The following DPYD variants were observed in gnomAD, a reference collection of about 807,000 sequenced individuals.
The protein encoded by DPYD is dihydropyrimidine dehydrogenase [NADP(+)].
DPYD carries 109 observed loss-of-function variants against 116.2 expected under a neutral mutation model. The ratio of observed to expected loss-of-function variants is 0.94; its 90% CI spans 0.80 to 1.10. The LOEUF (loss-of-function observed/expected upper bound fraction) is 1.10. DPYD is among the 50% of genes least tolerant of loss of function. The pLI is 0.00. For synonymous variants in DPYD, 440 were observed against 432.0 expected (o/e 1.02, Z -0.23); for missense variants, 1,302 against 1,254.5 (o/e 1.04, Z -0.57).
intron 16 of DPYD, among the ~76,000 whole-genome samples, chr1:97,346,339 C>T (rs1005716010): frequency 1.3e-5 from 2 of 151,732 alleles, no homozygotes; most frequent in East Asian, 1.9e-4. Flanking sequence ...AGTGGTTGCT[C>T]GATCCTTTTT....
intron 12 of DPYD, among the ~76,000 whole-genome samples, chr1:97,525,759 AG>A (rs1557772671): frequency 3.3e-5 from 1 of 30,390 alleles, no homozygotes; most frequent in African/African-American, 1.4e-4. Flanking sequence ...CTGGGTAATT[AG>A]AGAGAGAGAG....
chr1:97,613,576 A>G (rs1656080984), intron 8 of DPYD, among the ~76,000 whole-genome samples: 1 of 152,076 alleles, frequency 6.6e-6, no homozygotes, highest in Non-Finnish European at 1.5e-5. Context: ...TTTTCAACGC[A>G]TGATCTGCCA....
At chr1:97,757,982 G>C (rs751290998) in intron 3 of DPYD, among the ~76,000 whole-genome samples, 11 of 152,088 alleles carry the variant, frequency 7.2e-5, no homozygotes, top group Non-Finnish European at 1.5e-4. Context: ...AATACGCACT[G>C]CCTGAGAAAT....
intron 18 of DPYD, among the ~76,000 whole-genome samples, chr1:97,293,801 T>C (rs1666358285): frequency 6.6e-6 from 1 of 151,884 alleles, no homozygotes. Flanking sequence ...AATTAGCAAT[T>C]AGCCAGCATG....
chr1:97,828,207 T>C lies in DPYD; in HGVS notation c.151-11A>G, dbSNP rs1334246875. 3.1e-6 allele frequency: 5 copies of C among 1,611,716 alleles called. No homozygotes were observed. Among genetic ancestry groups the C allele is most frequent in the Non-Finnish European group, 4.2e-6 (5 of 1,179,010 alleles). On this transcript the variant is annotated splice_polypyrimidine_tract_variant and intron_variant, in intron 2 of 22. Coordinates refer to ENST00000370192, the MANE Select transcript of DPYD (RefSeq NM_000110.4). Reference sequence around the variant, plus strand: ...CAGCTTCTCACAATTCTGCAACATATTTAAAAATTGCATTAATTCTCTAAG... The same window carrying C: ...CAGCTTCTCACAATTCTGCAACATACTTAAAAATTGCATTAATTCTCTAAG...
At chr1:97,842,034 G>A (rs544808535) in intron 2 of DPYD, among the ~76,000 whole-genome samples, 3 of 151,762 alleles carry the variant, frequency 2.0e-5, no homozygotes, top group African/African-American at 4.8e-5. Flanking sequence ...TGCCTTTTGT[G>A]GGCTAAGGGC....
At chr1:97,258,484 A>C (rs1425288462) in intron 18 of DPYD, among the ~76,000 whole-genome samples, 1 of 152,158 alleles carries the variant, frequency 6.6e-6, no homozygotes, top group East Asian at 1.9e-4. Flanking sequence ...ATTGTGATCT[A>C]AAAGTGATAC....
intron 13 of DPYD, among the ~76,000 whole-genome samples, chr1:97,473,948 G>A (rs954913285): frequency 1.1e-4 from 17 of 150,538 alleles, no homozygotes; most frequent in African/African-American, 4.2e-4. Flanking sequence ...GGAAGTTGAG[G>A]CTTCAGCGAG....
intron 16 of DPYD, among the ~76,000 whole-genome samples, chr1:97,352,545 T>C (rs1227530526): frequency 2.0e-5 from 3 of 149,890 alleles, no homozygotes; most frequent in African/African-American, 4.9e-5. Context: ...GAGGAAAATA[T>C]TGAACAACCT....
intron 12 of DPYD, among the ~76,000 whole-genome samples, chr1:97,518,798 T>C (rs2101984665): frequency 6.6e-6 from 1 of 152,268 alleles, no homozygotes; most frequent in Non-Finnish European, 1.5e-5. Flanking sequence ...AGGAATGCTA[T>C]GCTAGTATCA....
chr1:97,912,276 C>A (rs563792181), intron 1 of DPYD, among the ~76,000 whole-genome samples: 3 of 151,724 alleles, frequency 2.0e-5, no homozygotes, highest in Non-Finnish European at 2.9e-5. Context: ...ATGCTTTAAG[C>A]AAATAAAAAA....
At chr1:97,295,909 T>G (rs1397708701) in intron 18 of DPYD, 1 of 214,814 alleles carries the variant, frequency 4.7e-6, no homozygotes, top group African/African-American at 2.4e-5. Flanking sequence ...GAAATCTATA[T>G]ATCCCACAAG....
At chr1:97,791,834 CT>C (rs1380118654) in intron 3 of DPYD, among the ~76,000 whole-genome samples, 2 of 151,952 alleles carry the variant, frequency 1.3e-5, no homozygotes, top group Admixed American at 6.6e-5. Context: ...TGTAATGGAT[CT>C]TTTTTATGTT....
chr1:97,171,085 T>C (rs1033283485), intron 20 of DPYD, among the ~76,000 whole-genome samples: 11 of 152,080 alleles, frequency 7.2e-5, no homozygotes, highest in Non-Finnish European at 1.3e-4. Flanking sequence ...ATAACCCAAG[T>C]TGGATTTGTT....
intron 8 of DPYD, among the ~76,000 whole-genome samples, chr1:97,669,467 T>G (rs1485876330): frequency 1.3e-5 from 2 of 152,128 alleles, no homozygotes; most frequent in South Asian, 2.1e-4. Context: ...ATGACTGTTT[T>G]GGACACCTCT....
intron 14 of DPYD, chr1:97,394,498 A>G (rs1181928434): frequency 2.6e-5 from 4 of 152,070 alleles, no homozygotes; most frequent in Non-Finnish European, 5.9e-5. Context: ...TTCCATATTC[A>G]ACGGGTGTTC....
intron 18 of DPYD, among the ~76,000 whole-genome samples, chr1:97,241,524 T>C (rs1050213822): frequency 6.6e-6 from 1 of 152,008 alleles, no homozygotes; most frequent in Non-Finnish European, 1.5e-5. Flanking sequence ...ACATGAAAGT[T>C]CCCATTTTCA....
intron 3 of DPYD, among the ~76,000 whole-genome samples, chr1:97,815,256 T>C (rs957729880): frequency 6.6e-6 from 1 of 152,026 alleles, no homozygotes; most frequent in Non-Finnish European, 1.5e-5. Flanking sequence ...ACATCAAAAG[T>C]AGAGATGAAA....
chr1:97,722,870 T>A (rs1663001613), intron 4 of DPYD, among the ~76,000 whole-genome samples: 1 of 151,510 alleles, frequency 6.6e-6, no homozygotes, highest in Admixed American at 6.6e-5. Context: ...CATTGCTCGA[T>A]CAAAAATTCC....
Sources: allele counts gnomAD v4.1 joint callset (sites outside exome capture counted in the v4.1 genomes callset), GRCh38; gene constraint gnomAD v4.1.1; transcripts MANE v1.5; gene names NCBI Gene and HGNC (gene_info 2026-07-23, HGNC 2026-07-21).